Variants in BCAN observed in about 807,000 individuals in gnomAD.
BCAN encodes brevican.
In BCAN, 51 loss-of-function variants were observed where a neutral mutation model predicts 92.4. The observed-to-expected ratio is 0.55, with a 90% CI of 0.44 to 0.70. The LOEUF (loss-of-function observed/expected upper bound fraction) is 0.70, where lower values mean the gene tolerates loss of function less well. Ranked by LOEUF, BCAN falls within the 30% of genes least tolerant of loss-of-function variation. The pLI is 0.00. For missense variants in BCAN, 1,140 were observed against 1,212.1 expected (o/e 0.94, Z 0.88); for synonymous variants, 501 against 505.2 (o/e 0.99, Z 0.11).
intron 7 of BCAN, 125 bp from the exon 8 acceptor site, chr1:156,652,123 G>A: frequency 7.7e-7 from 1 of 1,302,242 alleles, no homozygotes; most frequent in Non-Finnish European, 1.1e-6. Flanking sequence ...CCTGTCCTCA[G>A]GGCGGTCTCT....
chr1:156,644,980 C>T (rs1248234487), intron 1 of BCAN: 3 of 152,374 alleles, frequency 2.0e-5, no homozygotes, highest in South Asian at 2.1e-4. Flanking sequence ...ACATTGCCCT[C>T]GTGCCTGACT....
chr1:156,657,839 C>A, intron 11 of BCAN, 82 bp downstream of exon 11: 4 of 1,192,928 alleles, frequency 3.4e-6, no homozygotes, highest in South Asian at 1.5e-5. Flanking sequence ...CCCCTCCCGA[C>A]CCTGTCCCCT....
At chr1:156,645,398 G>A (rs1405346211) in intron 1 of BCAN, among the ~76,000 whole-genome samples, 1 of 152,220 alleles carries the variant, frequency 6.6e-6, no homozygotes, top group African/African-American at 2.4e-5. Context: ...GGGGAGTAAA[G>A]AGAGGAGTTT....
rs760600014 is a variant in BCAN, at chr1:156,647,716, G to T, written c.641+34G>T. 1 of 1,556,734 alleles carries T rather than the reference G, an allele frequency of 6.4e-7. No homozygotes were observed. Among genetic ancestry groups the T allele is most frequent in the Admixed American group, 1.9e-5 (1 of 53,210 alleles). On this transcript the variant is annotated intron_variant, in intron 4 of 13. Transcript: ENST00000329117. This position sits in a 1 kb window ranked among gnomAD's most constrained non-coding sequence, Gnocchi z 4.8. The stretch of plus-strand genomic sequence containing the variant: ...GGGCTGTGGATTGGGGCTTCTATTG[G>T]CCCCTGAGGTGGCCATGGCCCCCCT...
In BCAN at chr1:156,647,754, T is replaced by C. The variant is rs752184217; in HGVS notation, c.641+72T>C. The C allele has an allele frequency of 5.1e-6, 8 of 1,556,644 alleles. No individual in the cohort carries two copies. Among genetic ancestry groups the C allele is most frequent in the African/African-American group, 1.4e-5 (1 of 73,830 alleles). On this transcript the variant is annotated intron_variant, in intron 4 of 13. Transcript: ENST00000329117. This position sits in a 1 kb window ranked among gnomAD's most constrained non-coding sequence, Gnocchi z 4.8. ...CCATGGCCCCCCTTCTGCTGGGTGC[T>C]GCCTGCTGTGTCAGGCTGGACATGC...
Position 156,646,163 on chromosome 1 carries a change from G to A in BCAN, c.91+18G>A. On this transcript the variant is annotated intron_variant, in intron 2 of 13. Coordinates refer to ENST00000329117, the MANE Select transcript of BCAN (RefSeq NM_021948.5). ...CAGCTCAGGTAAGCAACCCCACTTG[G>A]GGTCACCGTCTCTGTCTTGTTCAGC... 6.2e-7 allele frequency: 1 copy of A among 1,609,220 alleles called. No homozygotes were observed. The highest frequency in any genetic ancestry group is 1.3e-5 in the African/African-American group (1 of 74,952).
Position 156,651,438 on chromosome 1 carries a change from A to G in BCAN, c.1064-18A>G. On this transcript the variant is annotated intron_variant, in intron 6 of 13. Transcript: ENST00000329117. ...GCTACCTATTCAGGCTCGCATCAAT[A>G]CTTTCCTCCTGCCACAGACTCGGCC... The G allele has an allele frequency of 6.2e-7, 1 of 1,603,536 alleles. No individual in the cohort carries two copies. Among genetic ancestry groups the G allele is most frequent in the Non-Finnish European group, 8.5e-7 (1 of 1,172,188 alleles).
rs1273565788 is a variant in BCAN, at chr1:156,659,429, C to G, written c.*295C>G. On this transcript the variant is annotated 3_prime_UTR_variant, in exon 14 of 14. Coordinates refer to ENST00000329117, the MANE Select transcript of BCAN (RefSeq NM_021948.5). ...TTGTCCCCTCTATTCCTCTAGGGAGCACTGTGCCCACTCTTTCTGGGTTTT... is the reference window on the plus strand; with the variant it reads ...TTGTCCCCTCTATTCCTCTAGGGAGGACTGTGCCCACTCTTTCTGGGTTTT... The G allele has an allele frequency of 5.2e-6, 2 of 382,538 alleles. No individual in the cohort carries two copies. The highest frequency in any genetic ancestry group is 9.6e-5 in the East Asian group (2 of 20,806). The allele number at this position is 382,538 out of a possible 1,614,324, so 23.7% of individuals were successfully genotyped here.
At position 156,648,743 on chromosome 1, in the gene BCAN, C is replaced by T. The variant is rs207460460; in HGVS notation, c.945C>T (p.Ile315=). ...CTGATGGCAGTGTGCGCTACCCCAT[C>T]GTCACACCCAGCCAGCGCTGTGGTG... ...WLADGSVRYP[I]VTPSQRCGGG... is the part of the protein sequence containing the mutation. The change falls in exon 6 of 14, where the codon ATC becomes ATT. Residue 315 remains isoleucine (I), a synonymous_variant. Coordinates refer to ENST00000329117, the MANE Select transcript of BCAN (RefSeq NM_021948.5). 4.2e-5 allele frequency: 68 copies of T among 1,612,972 alleles called. No homozygotes were observed. The highest frequency in any genetic ancestry group is 4.0e-4 in the East Asian group (18 of 44,854).
intron 2 of BCAN, chr1:156,646,421 A>C: frequency 2.0e-6 from 1 of 504,188 alleles, no homozygotes; most frequent in Admixed American, 3.3e-5. Flanking sequence ...TGGAACTGGG[A>C]GAAACCCTGA....
Position 156,647,239 on chromosome 1 carries a change from G to C in BCAN, c.466+64G>C. The C allele has an allele frequency of 3.4e-6, 5 of 1,462,364 alleles. No homozygotes were observed. In the South Asian group the frequency reaches 4.3e-5, roughly 13 times the overall value. The allele number at this position is 1,462,364 out of a possible 1,614,324, so 90.6% of individuals were successfully genotyped here. On this transcript the variant is annotated intron_variant, in intron 3 of 13. Coordinates refer to ENST00000329117, the MANE Select transcript of BCAN (RefSeq NM_021948.5). This position sits in a 1 kb window ranked among gnomAD's most constrained non-coding sequence, Gnocchi z 4.8. The stretch of plus-strand genomic sequence containing the variant: ...GAGGGAAGGGAGGACTCTTGCCTTC[G>C]GGGATCCCACAGTGTGAGAGGGAAG...
In BCAN at chr1:156,658,397, TG is replaced by T; in HGVS notation, c.2437+129del. Reference sequence around the variant, plus strand: ...AGGAGTCAGAACGTGTTCCAGACCATGGGAGAGCTAACAAGTTACGTGGGTC... The same window carrying T: ...AGGAGTCAGAACGTGTTCCAGACCATGGAGAGCTAACAAGTTACGTGGGTC... On this transcript the variant is annotated intron_variant, in intron 12 of 13. Coordinates refer to ENST00000329117, the MANE Select transcript of BCAN (RefSeq NM_021948.5). The surrounding 1 kb of genome is among the most constrained non-coding windows in gnomAD (Gnocchi z 4.4). The T allele has an allele frequency of 6.8e-7, 1 of 1,472,164 alleles. No homozygotes were observed. The highest frequency in any genetic ancestry group is 9.2e-7 in the Non-Finnish European group (1 of 1,091,640). The allele number at this position is 1,472,164 out of a possible 1,614,324, so 91.2% of individuals were successfully genotyped here.
In BCAN at chr1:156,656,924, C is replaced by T; in HGVS notation, c.2051-14C>T. 6.2e-7 allele frequency: 1 copy of T among 1,611,624 alleles called. No individual in the cohort carries two copies. The highest frequency in any genetic ancestry group is 1.1e-5 in the South Asian group (1 of 90,982). On this transcript the variant is annotated splice_polypyrimidine_tract_variant and intron_variant, in intron 9 of 13. Transcript: ENST00000329117. ...GTTTTGGGGCCCTAAGATGCCCGCC[C>T]TTATGTGCCGCAGGCCTCCGCTTCT...
In BCAN at chr1:156,652,879, G is replaced by C. The variant is rs760910641; in HGVS notation, c.1929G>C (p.Val643=). 1.2e-6 allele frequency: 2 copies of C among 1,613,652 alleles called. No individual in the cohort carries two copies. The highest frequency in any genetic ancestry group is 1.7e-4 in the Middle Eastern group (1 of 6,060). ...GCGCCAGCCGAGGTGGAGTGGCCGT[G>C]GTCCCCGCATCAGGTAATTCTGCCC... ...TDSASRGGVA[V]VPASGDCVPS... The change falls in exon 8 of 14, where the codon GTG becomes GTC. Residue 643 remains valine (V), a synonymous_variant. Coordinates refer to ENST00000329117, the MANE Select transcript of BCAN (RefSeq NM_021948.5).
chr1:156,651,917 G>A (rs773676662), intron 7 of BCAN, among the ~76,000 whole-genome samples: 15 of 152,202 alleles, frequency 9.9e-5, no homozygotes, highest in South Asian at 2.1e-4. Context: ...AAGGAGCTGC[G>A]CCCTGGAAAG....
In BCAN at chr1:156,652,105, A is replaced by T; in HGVS notation, c.1298-143A>T. 1.2e-5 allele frequency: 13 copies of T among 1,127,378 alleles called. No homozygotes were observed. The South Asian group carries it at 1.8e-4, about 16-fold the overall frequency. 69.8% of individuals were successfully genotyped at this position (1,127,378 alleles called of 1,614,324 possible). A position where few individuals can be genotyped will look rare whatever the true frequency, so the allele number is the denominator to read the frequency against. On this transcript the variant is annotated intron_variant, in intron 7 of 13. Transcript: ENST00000329117. ...GGGTCAAGTTCTTCCAGTGTGGCGCAAGGACCACCTGTCCTCAGGGCGGTC... is the reference window on the plus strand; with the variant it reads ...GGGTCAAGTTCTTCCAGTGTGGCGCTAGGACCACCTGTCCTCAGGGCGGTC...
rs768251639 is a variant in BCAN at position 156,646,792 on chromosome 1, C to A, written c.92-9C>A. The A allele has an allele frequency of 8.4e-6, 13 of 1,540,798 alleles. 1 individual carries two copies. The Admixed American group carries it at 2.3e-4, about 28-fold the overall frequency. Reference sequence around the variant, plus strand: ...GCGTTAAGTTCCAGCCGGCTCCACCCGTTCACAGAGGACCGCGCTTTTCGC... The same window carrying A: ...GCGTTAAGTTCCAGCCGGCTCCACCAGTTCACAGAGGACCGCGCTTTTCGC... On this transcript the variant is annotated splice_polypyrimidine_tract_variant and intron_variant, in intron 2 of 13. Transcript: ENST00000329117.
intron 6 of BCAN, among the ~76,000 whole-genome samples, 160 bp from the exon 7 acceptor site, chr1:156,651,296 T>A (rs1490690079): frequency 6.6e-6 from 1 of 152,082 alleles, no homozygotes; most frequent in Non-Finnish European, 1.5e-5. Context: ...GATGAATGCT[T>A]GAGAAATGAG....
rs771919455 is a variant in BCAN at position 156,658,539 on chromosome 1, G to C, written c.2438-4G>C. The C allele has an allele frequency of 1.2e-6, 2 of 1,612,384 alleles. No homozygotes were observed. The highest frequency in any genetic ancestry group is 1.7e-6 in the Non-Finnish European group (2 of 1,179,018). ...GCTCAGTTCCTAACTGTCTTCCTTT[G>C]CAGTGTCCTGTGGGCCGCCACCGGA... On this transcript the variant is annotated splice_polypyrimidine_tract_variant and splice_region_variant and intron_variant, in intron 12 of 13. Transcript: ENST00000329117. This position sits in a 1 kb window ranked among gnomAD's most constrained non-coding sequence, Gnocchi z 4.4.
Sources: gnomAD v4.1 joint callset for allele counts (sites outside exome capture counted in the v4.1 genomes callset) on GRCh38, gnomAD v4.1.1 for gene constraint, Gnocchi (gnomAD v3.1) non-coding constraint, MANE v1.5 for transcripts, NCBI Gene and HGNC (gene_info 2026-07-23, HGNC 2026-07-21) for gene names.